Variants in TM6SF1 observed in about 807,000 individuals in gnomAD.
TM6SF1 encodes transmembrane 6 superfamily member 1.
A neutral mutation model predicts 47.1 loss-of-function variants in TM6SF1; 43 were observed. The observed-to-expected ratio is 0.91, with a 90% confidence interval of 0.72 to 1.18. The LOEUF (loss-of-function observed/expected upper bound fraction) is 1.18. Ranked by LOEUF, TM6SF1 falls within the 50% of genes most tolerant of loss-of-function variation. The pLI, the probability that TM6SF1 is intolerant of heterozygous loss-of-function variation, is 0.00. For synonymous variants in TM6SF1, 177 were observed against 166.3 expected, an observed-to-expected ratio of 1.06 and a Z score of -0.49; for missense variants, 390 against 449.0, an observed-to-expected ratio of 0.87 and a Z score of 1.19.
At chr15:83,116,219 T>G (rs1382518806) in intron 3 of TM6SF1, among the ~76,000 whole-genome samples, 4 of 152,226 alleles carry the variant, frequency 2.6e-5, no homozygotes, top group Non-Finnish European at 5.9e-5. Flanking sequence ...GTATTTAATA[T>G]AAATAAGGTA....
chr15:83,111,407 CCATCCATCCATT>C (rs1227175908), intron 1 of TM6SF1, among the ~76,000 whole-genome samples: 2 of 152,042 alleles, frequency 1.3e-5, no homozygotes, highest in South Asian at 2.1e-4. Flanking sequence ...CACCCATCAT[CCATCCATCCATT>C]CATCCATCAT....
intron 9 of TM6SF1, 55 bp downstream of exon 9, chr15:83,127,532 G>A: frequency 6.3e-7 from 1 of 1,596,196 alleles, no homozygotes; most frequent in Non-Finnish European, 8.5e-7. Flanking sequence ...GTCAATTGTT[G>A]AATATATGAA....
At chr15:83,110,307 T>G (rs2034032054) in intron 1 of TM6SF1, among the ~76,000 whole-genome samples, 1 of 151,956 alleles carries the variant, frequency 6.6e-6, no homozygotes, top group African/African-American at 2.4e-5. Context: ...ACTAGCAACT[T>G]TCTCATCCTG....
In TM6SF1 at chr15:83,115,934, T is replaced by C; in HGVS notation, c.286T>C (p.Leu96=). 6.2e-7 allele frequency: 1 copy of C among 1,613,028 alleles called. No homozygotes were observed. The highest frequency in any genetic ancestry group is 8.5e-7 in the Non-Finnish European group (1 of 1,179,012). Residue 96 remains leucine, a synonymous_variant, in exon 3 of 10, where the codon TTG becomes CTG. Transcript: ENST00000322019. ...GIIDGFMTHY[L]REGEPYLNTA... is the part of the protein sequence containing the mutation. ...CATTGACGGGTTCATGACACACTAC[T>C]TGAGAGAGGTATGGGATCACTTAGT...
chr15:83,124,072 A>T (rs2035510957), intron 6 of TM6SF1, among the ~76,000 whole-genome samples: 1 of 152,224 alleles, frequency 6.6e-6, no homozygotes, highest in Non-Finnish European at 1.5e-5. Context: ...ACAGTGAAAA[A>T]TGCCTAAATA....
intron 7 of TM6SF1, among the ~76,000 whole-genome samples, chr15:83,125,163 A>C (rs2035622015): frequency 6.6e-6 from 1 of 152,210 alleles, no homozygotes; most frequent in Non-Finnish European, 1.5e-5. Flanking sequence ...TCTCAGGAGT[A>C]GGGGCAATGG....
At chr15:83,126,691 T>C in intron 7 of TM6SF1, 64 bp from the exon 8 acceptor site, 1 of 1,378,542 alleles carries the variant, frequency 7.3e-7, no homozygotes, top group Non-Finnish European at 1.0e-6. Flanking sequence ...ACATTTAGCC[T>C]TATCAGCAAA....
At chr15:83,115,116 C>G (rs1053363290) in intron 2 of TM6SF1, 1 of 154,638 alleles carries the variant, frequency 6.5e-6, no homozygotes, top group Non-Finnish European at 1.4e-5. Context: ...TTCGTCAAGT[C>G]ATTGTCTTTT....
intron 4 of TM6SF1, among the ~76,000 whole-genome samples, chr15:83,121,593 T>C (rs2035249463): frequency 6.6e-6 from 1 of 152,196 alleles, no homozygotes; most frequent in African/African-American, 2.4e-5. Flanking sequence ...CTTTCAACTT[T>C]CTTTTTCCTT....
Position 83,127,365 on chromosome 15 carries a change from C to CAT in TM6SF1, c.814_815dup (p.Met272IlefsTer10), listed in dbSNP as rs776527009. ...TTTCTCTGTTCAATACAGATGCTGG[C>CAT]ATATATGTTCTATTCTGTTCCTTAC... On this transcript the variant is annotated frameshift_variant, in exon 9 of 10. Coordinates refer to ENST00000322019, the MANE Select transcript of TM6SF1 (RefSeq NM_023003.5). LOFTEE classifies it high-confidence loss of function. 9 of 1,612,226 alleles carry CAT rather than the reference C, an allele frequency of 5.6e-6. No homozygotes were observed. Among genetic ancestry groups the CAT allele is most frequent in the Non-Finnish European group, 7.6e-6 (9 of 1,179,390 alleles).
intron 6 of TM6SF1, 136 bp downstream of exon 6, chr15:83,123,014 T>G: frequency 1.0e-6 from 1 of 952,798 alleles, no homozygotes; most frequent in East Asian, 2.5e-5. Flanking sequence ...GTTTTGATTA[T>G]GTAGCATTAG....
chr15:83,115,618 A>G (rs1388367735), intron 2 of TM6SF1: 2 of 666,542 alleles, frequency 3.0e-6, no homozygotes, highest in Non-Finnish European at 5.5e-6. Flanking sequence ...TCCTGTGATG[A>G]GTGTTCCCTT....
At position 83,107,809 on chromosome 15, in the gene TM6SF1, G is replaced by A; in HGVS notation, c.92+37G>A. On this transcript the variant is annotated intron_variant, in intron 1 of 9. Transcript: ENST00000322019. The surrounding 1 kb of genome is among the most constrained non-coding windows in gnomAD (Gnocchi z 5.6). ...GGCGCGGCGGGGGTCGCGCCGAGGG[G>A]CGGCGGGAGTTGGCTCGCCGCGACG... 4 of 1,554,470 alleles carry A rather than the reference G, an allele frequency of 2.6e-6. No homozygotes were observed. The highest frequency in any genetic ancestry group is 2.4e-5 in the South Asian group (2 of 84,886).
At chr15:83,115,635 A>C in intron 2 of TM6SF1, 1 of 680,618 alleles carries the variant, frequency 1.5e-6, no homozygotes, top group African/African-American at 1.8e-5. Flanking sequence ...CCTTGATGAG[A>C]GTACTTAGGC....
intron 9 of TM6SF1, chr15:83,128,664 G>A (rs767749506): frequency 6.6e-6 from 1 of 151,976 alleles, no homozygotes; most frequent in Non-Finnish European, 1.5e-5. Flanking sequence ...TGCCTCACTA[G>A]CACCTCAGAT....
At chr15:83,132,388 C>G (rs918615729) in intron 9 of TM6SF1, 1 of 152,166 alleles carries the variant, frequency 6.6e-6, no homozygotes, top group Admixed American at 6.5e-5. Context: ...TGGTAAGGAG[C>G]CTGCCATCCC....
At position 83,112,800 on chromosome 15, in the gene TM6SF1, C is replaced by G; in HGVS notation, c.96C>G (p.Ser32=). ...VFNHLAAQHD[S]WTIVGVAALI... is the part of the protein sequence containing the mutation. ...CTCCCTGTTCTGGTCGTTGCAGTTC[C>G]TGGACTATTGTAGGGGTTGCTGCCC... Residue 32 remains serine (S), a synonymous_variant, in exon 2 of 10, where the codon TCC becomes TCG. Coordinates refer to ENST00000322019, the MANE Select transcript of TM6SF1 (RefSeq NM_023003.5). 6.2e-7 allele frequency: 1 copy of G among 1,613,472 alleles called. No homozygotes were observed. The highest frequency in any genetic ancestry group is 8.5e-7 in the Non-Finnish European group (1 of 1,179,410).
intron 8 of TM6SF1, 136 bp from the exon 9 acceptor site, chr15:83,127,220 TAA>T (rs59121495): frequency 4.8e-3 from 3,076 of 637,984 alleles, no homozygotes; most frequent in East Asian, 5.9e-3. Flanking sequence ...AAAATAAAAG[TAA>T]AAAAAAAAAA....
Position 83,107,782 on chromosome 15 carries a change from C to T in TM6SF1, c.92+10C>T. ...TGGCGGCCCAGCATGAGTGAGTGAG[C>T]CGGCGCGGCGGGGGTCGCGCCGAGG... On this transcript the variant is annotated intron_variant, in intron 1 of 9. Transcript: ENST00000322019. The surrounding 1 kb of genome is among the most constrained non-coding windows in gnomAD (Gnocchi z 5.6). The T allele has an allele frequency of 6.4e-7, 1 of 1,574,196 alleles. No individual in the cohort carries two copies. Among genetic ancestry groups the T allele is most frequent in the Non-Finnish European group, 8.6e-7 (1 of 1,162,134 alleles).
Sources: allele counts gnomAD v4.1 joint callset (sites outside exome capture counted in the v4.1 genomes callset), GRCh38; gene constraint gnomAD v4.1.1; non-coding constraint Gnocchi (gnomAD v3.1); transcripts MANE v1.5; gene names NCBI Gene and HGNC (gene_info 2026-07-23, HGNC 2026-07-21).